The following CFI variants were observed in gnomAD, a reference collection of about 807,000 sequenced individuals.
The protein encoded by CFI is complement factor I.
A neutral mutation model predicts 78.8 loss-of-function variants in CFI; 66 were observed. The observed-to-expected ratio is 0.84, with a 90% CI of 0.69 to 1.03. CFI has a LOEUF of 1.03. CFI is among the 50% of genes least tolerant of loss of function. CFI has a pLI of 0.00. For synonymous variants in CFI, 250 were observed against 232.6 expected (o/e 1.07, Z -0.68); for missense variants, 706 against 704.5 (o/e 1.00, Z -0.02).
At chr4:109,763,835 C>A (rs566756406) in intron 3 of CFI, among the ~76,000 whole-genome samples, 1 of 151,160 alleles carries the variant, frequency 6.6e-6, no homozygotes, top group East Asian at 1.9e-4. Flanking sequence ...ACAAAGTTAA[C>A]CAAAAGCAAA....
At chr4:109,752,759 T>A (rs2126196569) in intron 7 of CFI, among the ~76,000 whole-genome samples, 1 of 149,768 alleles carries the variant, frequency 6.7e-6, no homozygotes, top group South Asian at 2.1e-4. Flanking sequence ...TAGTGAATGT[T>A]GAGACTCATG....
At chr4:109,780,968 T>A (rs376855276) in intron 1 of CFI, among the ~76,000 whole-genome samples, 49 of 152,032 alleles carry the variant, frequency 3.2e-4, no homozygotes, top group African/African-American at 1.2e-3. Flanking sequence ...GGACACAGGG[T>A]GGGGAACATC....
chr4:109,749,721 G>C, intron 8 of CFI, 119 bp from the exon 9 acceptor site: 1 of 687,830 alleles, frequency 1.5e-6, no homozygotes, highest in South Asian at 1.6e-5. Flanking sequence ...AGACAGGCTG[G>C]AATCATTAGT....
In CFI at chr4:109,746,385, A is replaced by G. The variant is rs1315479261; in HGVS notation, c.1266T>C (p.Asn422=). 6.2e-7 allele frequency: 1 copy of G among 1,614,134 alleles called. No individual in the cohort carries two copies. Among genetic ancestry groups the G allele is most frequent in the Admixed American group, 1.7e-5 (1 of 60,008 alleles). Residue 422 remains asparagine (N), a synonymous_variant, in exon 11 of 13, where the codon AAT becomes AAC. Coordinates refer to ENST00000394634, the MANE Select transcript of CFI (RefSeq NM_000204.5). Reference sequence around the variant, plus strand: ...CGATGTCATTTTGGTAAGTGCCTGCATTGTAGTTTTCATGGAAAATAATTC... The same window carrying G: ...CGATGTCATTTTGGTAAGTGCCTGCGTTGTAGTTTTCATGGAAAATAATTC... ...VDRIIFHENY[N]AGTYQNDIAL...
chr4:109,796,513 C>T (rs189108014), intron 1 of CFI, among the ~76,000 whole-genome samples: 2 of 152,228 alleles, frequency 1.3e-5, no homozygotes, highest in South Asian at 2.1e-4. Flanking sequence ...TTTAAGAAAA[C>T]CATCTCAGGC....
intron 1 of CFI, among the ~76,000 whole-genome samples, chr4:109,783,561 T>C (rs1730334447): frequency 6.6e-6 from 1 of 151,930 alleles, no homozygotes; most frequent in South Asian, 2.1e-4. Context: ...AGGGAACACT[T>C]CTACACTGCT....
downstream of CFI, among the ~76,000 whole-genome samples, chr4:109,739,278 TAA>T (rs201716913): frequency 1.3e-4 from 19 of 140,924 alleles, no homozygotes; most frequent in Non-Finnish European, 1.2e-4. Flanking sequence ...TAGCTGTGCT[TAA>T]AAAAAAAAAA....
intron 1 of CFI, among the ~76,000 whole-genome samples, chr4:109,785,361 T>C (rs1378884814): frequency 6.6e-6 from 1 of 152,100 alleles, no homozygotes; most frequent in Non-Finnish European, 1.5e-5. Flanking sequence ...GTAGTCAAAA[T>C]TGTTGTTAAA....
chr4:109,792,664 T>G (rs575821413), intron 1 of CFI, among the ~76,000 whole-genome samples: 2 of 152,336 alleles, frequency 1.3e-5, no homozygotes, highest in East Asian at 3.8e-4. Context: ...GCTCTATTGT[T>G]TAGTGTATAA....
At chr4:109,742,383 A>G (rs1723906845) in intron 12 of CFI, 108 bp downstream of exon 12, 1 of 764,692 alleles carries the variant, frequency 1.3e-6, no homozygotes, top group African/African-American at 1.7e-5. Context: ...AGAAGGCCAA[A>G]TGGAGGGAAT....
intron 3 of CFI, 130 bp downstream of exon 3, chr4:109,764,407 G>A (rs1391273003): frequency 9.8e-7 from 1 of 1,022,862 alleles, no homozygotes; most frequent in African/African-American, 1.6e-5. Context: ...TCATAACAAT[G>A]CTATGATGCA....
At chr4:109,782,755 A>G (rs1579288810) in intron 1 of CFI, among the ~76,000 whole-genome samples, 1 of 152,192 alleles carries the variant, frequency 6.6e-6, no homozygotes, top group African/African-American at 2.4e-5. Flanking sequence ...ATCTGGAAGC[A>G]TCACACTACC....
At chr4:109,765,171 T>G (rs180931356) in intron 2 of CFI, among the ~76,000 whole-genome samples, 83 of 152,376 alleles carry the variant, frequency 5.4e-4, no homozygotes, top group African/African-American at 1.7e-3. Context: ...TATTGCCTTC[T>G]GCCTTTCCAA....
At chr4:109,777,376 A>G (rs1445579143) in intron 1 of CFI, among the ~76,000 whole-genome samples, 4 of 152,340 alleles carry the variant, frequency 2.6e-5, no homozygotes, top group Middle Eastern at 3.4e-3. Context: ...AGATCAAAAG[A>G]GACAAAGAAA....
intron 8 of CFI, among the ~76,000 whole-genome samples, chr4:109,750,097 A>G (rs1299292960): frequency 1.3e-5 from 2 of 152,006 alleles, no homozygotes; most frequent in Non-Finnish European, 2.9e-5. Flanking sequence ...CCCGGGTTCA[A>G]GGGATTCTCC....
intron 12 of CFI, 185 bp from the exon 13 acceptor site, chr4:109,741,295 T>G: frequency 1.0e-6 from 1 of 985,460 alleles, no homozygotes; most frequent in Non-Finnish European, 1.2e-6. Flanking sequence ...GAAAATTCTT[T>G]ACGAGTCTTC....
At chr4:109,750,589 G>A (rs1231028077) in intron 8 of CFI, among the ~76,000 whole-genome samples, 1 of 152,024 alleles carries the variant, frequency 6.6e-6, no homozygotes, top group African/African-American at 2.4e-5. Flanking sequence ...GAGAAAACAC[G>A]GTAGAGCAAA....
rs1377517655 is a variant in CFI at position 109,766,729 on chromosome 4, C to A, written c.153G>T (p.Trp51Cys). 1 of 1,614,052 alleles carries A rather than the reference C, an allele frequency of 6.2e-7. No homozygotes were observed. The highest frequency in any genetic ancestry group is 1.3e-5 in the African/African-American group (1 of 74,930). Residue 51 changes from tryptophan to cysteine, a missense_variant, in exon 2 of 13, where the codon TGG becomes TGT. Trp to Cys is a radical substitution (Grantham distance 215, BLOSUM62 -2). Transcript: ENST00000394634. Reference protein sequence around the residue: ...LSCDKVFCQPWQRCIEGTCVC... With the variant: ...LSCDKVFCQPCQRCIEGTCVC... ...CACAGGTGCCCTCAATGCATCTCTG[C>A]CATGGCTGGCAGAAGACTTTATCGC...
rs535709272 is a variant in CFI, at chr4:109,752,536, G to A, written c.905-33C>T. The A allele has an allele frequency of 3.0e-5, 47 of 1,571,106 alleles. 1 individual carries two copies. In the South Asian group the frequency reaches 4.8e-4, roughly 16 times the overall value. On this transcript the variant is annotated intron_variant, in intron 7 of 12. Coordinates refer to ENST00000394634, the MANE Select transcript of CFI (RefSeq NM_000204.5). ...AAAACAAAAGATTCCAATGTTTAAA[G>A]TTGTTAATTATAGTCAAAATGAAAT...
Sources: allele counts gnomAD v4.1 joint callset (sites outside exome capture counted in the v4.1 genomes callset), GRCh38; gene constraint gnomAD v4.1.1; transcripts MANE v1.5; gene names NCBI Gene and HGNC (gene_info 2026-07-23, HGNC 2026-07-21).